The following IL17RA variants were observed in gnomAD, a reference collection of about 807,000 sequenced individuals.
IL17RA encodes the protein interleukin 17 receptor A.
A neutral mutation model predicts 50.4 loss-of-function variants in IL17RA; 34 were observed. That is an observed-to-expected ratio of 0.67 (90% confidence interval 0.51 to 0.90). The LOEUF is 0.90. IL17RA is among the 40% of genes least tolerant of loss of function. IL17RA has a pLI of 0.00. For missense variants in IL17RA, 1,276 were observed against 1,169.8 expected (o/e 1.09, Z -1.32); for synonymous variants, 585 against 510.4 (o/e 1.15, Z -1.97).
intron 1 of IL17RA, among the ~76,000 whole-genome samples, chr22:17,089,236 A>G (rs2061339452): frequency 6.6e-6 from 1 of 152,164 alleles, no homozygotes; most frequent in Admixed American, 6.5e-5. Context: ...TTTGTTATTT[A>G]GAGAGACAAG....
In IL17RA at chr22:17,097,777, T is replaced by G. The variant is rs774074447; in HGVS notation, c.164-20T>G. On this transcript the variant is annotated intron_variant, in intron 2 of 12. Coordinates refer to ENST00000319363, the MANE Select transcript of IL17RA (RefSeq NM_014339.7). ...GTCTCGGCTATAAGTCTCTGAATGT[T>G]GCTTTTCCCTGGCTGCCAGGTACCT... 7 of 1,613,932 alleles carry G rather than the reference T, an allele frequency of 4.3e-6. No homozygotes were observed. The highest frequency in any genetic ancestry group is 5.9e-6 in the Non-Finnish European group (7 of 1,180,048).
chr22:17,100,608 C>A, intron 5 of IL17RA, 127 bp downstream of exon 5: 1 of 1,207,964 alleles, frequency 8.3e-7, no homozygotes, highest in Non-Finnish European at 1.2e-6. Context: ...CTGGGACCCA[C>A]AGAACAAACA....
At chr22:17,097,620 C>T in intron 2 of IL17RA, 177 bp from the exon 3 acceptor site, 1 of 660,626 alleles carries the variant, frequency 1.5e-6, no homozygotes, top group Non-Finnish European at 2.6e-6. Context: ...GCAGTGACCC[C>T]AGTAAACATT....
At chr22:17,091,218 C>T (rs2061346632) in intron 1 of IL17RA, among the ~76,000 whole-genome samples, 1 of 152,188 alleles carries the variant, frequency 6.6e-6, no homozygotes, top group Non-Finnish European at 1.5e-5. Flanking sequence ...ATATCAGGAA[C>T]ATATATGTTA....
rs1431514771 is a variant in IL17RA at position 17,109,824 on chromosome 22, C to T, written c.*4C>T. ...GTCAGAGGGGCCCAGTGCATGAGGG[C>T]GGCTCCCCAGGGACCGCCCAGATCC... On this transcript the variant is annotated 3_prime_UTR_variant, in exon 13 of 13. Coordinates refer to ENST00000319363, the MANE Select transcript of IL17RA (RefSeq NM_014339.7). 7 of 1,548,694 alleles carry T rather than the reference C, an allele frequency of 4.5e-6. No homozygotes were observed. Among genetic ancestry groups the T allele is most frequent in the East Asian group, 2.4e-5 (1 of 40,928 alleles).
chr22:17,092,392 G>T (rs1032769055), intron 1 of IL17RA, among the ~76,000 whole-genome samples: 1 of 152,152 alleles, frequency 6.6e-6, no homozygotes, highest in Non-Finnish European at 1.5e-5. Flanking sequence ...AGAATCTCAC[G>T]TTGAACCCGG....
At chr22:17,108,178 A>AG (rs2061421737) in intron 12 of IL17RA, 129 bp from the exon 13 acceptor site, 4 of 895,698 alleles carry the variant, frequency 4.5e-6, no homozygotes, top group Admixed American at 2.4e-5. Context: ...AACAGGCCTC[A>AG]GTTGGGTTTC....
Position 17,098,630 on chromosome 22 carries a change from T to G in IL17RA, c.311-145T>G, listed in dbSNP as rs1355187565. 5.6e-6 allele frequency: 4 copies of G among 716,974 alleles called. No individual in the cohort carries two copies. The East Asian group carries it at 1.1e-4, about 19-fold the overall frequency. 44.4% of individuals were successfully genotyped at this position (716,974 alleles called of 1,614,324 possible). On this transcript the variant is annotated intron_variant, in intron 3 of 12. Transcript: ENST00000319363. ...GGTAGGCTGAGGCCAGAGAGTGAACTGAAAGGAACAGGATGTGGAGAGTTG... is the reference window on the plus strand; with the variant it reads ...GGTAGGCTGAGGCCAGAGAGTGAACGGAAAGGAACAGGATGTGGAGAGTTG...
Position 17,110,926 on chromosome 22 carries a change from G to C in IL17RA, c.*1106G>C, listed in dbSNP as rs535925914. The stretch of plus-strand genomic sequence containing the variant: ...GGTCAGGGGGGATCCCCGAGGAGAT[G>C]CCTGAGCTGAAGGATTGTGGTTGGG... On this transcript the variant is annotated 3_prime_UTR_variant, in exon 13 of 13. Transcript: ENST00000319363. The C allele has an allele frequency of 1.3e-5, 2 of 152,558 alleles. No individual in the cohort carries two copies. Among genetic ancestry groups the C allele is most frequent in the African/African-American group, 4.8e-5 (2 of 41,578 alleles). The allele number at this position is 152,558 out of a possible 1,614,324, so 9.5% of individuals were successfully genotyped here. A position where few individuals can be genotyped will look rare whatever the true frequency, so the allele number is the denominator to read the frequency against.
rs35718705 is a variant in IL17RA, at chr22:17,100,141, T to TAAAAA, written c.424-198_424-194dup. On this transcript the variant is annotated intron_variant, in intron 4 of 12. Coordinates refer to ENST00000319363, the MANE Select transcript of IL17RA (RefSeq NM_014339.7). ...CTACTGATGAGGCCAGATCCAGGTT[T>TAAAAA]AAAAAAAAAAAAAAAAAAAACAGGC... Among the ~76,000 whole-genome samples the TAAAAA allele has an allele frequency of 8.1e-4, 98 of 121,538 alleles. 1 individual carries two copies. The highest frequency in any genetic ancestry group is 2.2e-3 in the African/African-American group (79 of 35,440). 79.7% of individuals were successfully genotyped at this position (121,538 alleles called of 152,430 possible).
chr22:17,105,777 G>C lies in IL17RA; in HGVS notation c.944-76G>C, dbSNP rs984986020. On this transcript the variant is annotated intron_variant, in intron 10 of 12. Transcript: ENST00000319363. ...GCCAGAGAGGACAGAGCCTGGGGCT[G>C]GGGAGCAGGGCTGGGGGCCTCAGGG... 70 of 1,440,606 alleles carry C rather than the reference G, an allele frequency of 4.9e-5. No homozygotes were observed. The Middle Eastern group carries it at 1.3e-3, about 28-fold the overall frequency. 89.2% of individuals were successfully genotyped at this position (1,440,606 alleles called of 1,614,324 possible).
At chr22:17,089,080 G>A (rs947665891) in intron 1 of IL17RA, among the ~76,000 whole-genome samples, 3 of 152,176 alleles carry the variant, frequency 2.0e-5, no homozygotes, top group African/African-American at 7.2e-5. Context: ...ACAAGCGTGA[G>A]CCAATGCGCC....
At position 17,085,101 on chromosome 22, in the gene IL17RA, G is replaced by T. The variant is rs1464593132; in HGVS notation, c.10G>T (p.Ala4Ser). Residue 4 changes from alanine (A) to serine (S), a missense_variant, in exon 1 of 13, where the codon GCA (alanine) becomes TCA (serine). Coordinates refer to ENST00000319363, the MANE Select transcript of IL17RA (RefSeq NM_014339.7). ...CGACGCCAGCCGGGCCATGGGGGCCGCACGCAGCCCGCCGTCCGCTGTCCC... is the reference window on the plus strand; with the variant it reads ...CGACGCCAGCCGGGCCATGGGGGCCTCACGCAGCCCGCCGTCCGCTGTCCC... MGAARSPPSAVPGP... is the reference protein window; with the variant it reads MGASRSPPSAVPGP... 2.2e-6 allele frequency: 3 copies of T among 1,357,140 alleles called. No homozygotes were observed. Among genetic ancestry groups the T allele is most frequent in the African/African-American group, 1.5e-5 (1 of 65,840 alleles). 84.1% of individuals were successfully genotyped at this position (1,357,140 alleles called of 1,614,324 possible).
chr22:17,109,771 A>T lies in IL17RA; in HGVS notation c.2552A>T (p.Asn851Ile), dbSNP rs2061432905. 2 of 1,552,724 alleles carry T rather than the reference A, an allele frequency of 1.3e-6. No homozygotes were observed. Among genetic ancestry groups the T allele is most frequent in the East Asian group, 4.8e-5 (2 of 41,294 alleles). The change falls in exon 13 of 13, where the codon AAC becomes ATC. Residue 851 changes from asparagine to isoleucine, a missense_variant. Asn to Ile is a moderately radical substitution (Grantham distance 149). Transcript: ENST00000319363. ...CTGCTTTTCCGCCAGCTGCAGAAGA[A>T]CTCGGGCTGGGACACGATGGGGTCA... Reference protein sequence around the residue: ...RQLLFRQLQKNSGWDTMGSES... With the variant: ...RQLLFRQLQKISGWDTMGSES...
chr22:17,095,479 G>A (rs1257006821), intron 1 of IL17RA, among the ~76,000 whole-genome samples: 1 of 152,174 alleles, frequency 6.6e-6, no homozygotes, highest in Non-Finnish European at 1.5e-5. Flanking sequence ...TTTTCATCAT[G>A]GGCATCATCC....
intron 1 of IL17RA, among the ~76,000 whole-genome samples, 193 bp from the exon 2 acceptor site, chr22:17,096,869 C>CAAAAAAA (rs5844287): frequency 8.6e-6 from 1 of 116,102 alleles, no homozygotes. Flanking sequence ...GACTCCATCT[C>CAAAAAAA]AAAAAAAAAA....
In IL17RA at chr22:17,108,320, G is replaced by A. The variant is rs1376815240; in HGVS notation, c.1101G>A (p.Ala367=). The A allele has an allele frequency of 6.8e-6, 11 of 1,614,052 alleles. No homozygotes were observed. The highest frequency in any genetic ancestry group is 9.3e-6 in the Non-Finnish European group (11 of 1,179,998). ...DDTKYTDGLP[A]ADLIPPPLKP... ...TTGTTTCCTTAGATGGCCTGCCTGCGGCTGACCTGATCCCCCCACCGCTGA... is the reference window on the plus strand; with the variant it reads ...TTGTTTCCTTAGATGGCCTGCCTGCAGCTGACCTGATCCCCCCACCGCTGA... The change falls in exon 13 of 13, where the codon GCG becomes GCA. Residue 367 remains alanine, a synonymous_variant. Coordinates refer to ENST00000319363, the MANE Select transcript of IL17RA (RefSeq NM_014339.7).
chr22:17,098,087 AG>A, intron 3 of IL17RA, 144 bp downstream of exon 3: 2 of 909,956 alleles, frequency 2.2e-6, no homozygotes, highest in Non-Finnish European at 3.5e-6. Context: ...CATTTCATGC[AG>A]TCAAATACTT....
At chr22:17,095,557 T>C (rs897051926) in intron 1 of IL17RA, among the ~76,000 whole-genome samples, 4 of 152,194 alleles carry the variant, frequency 2.6e-5, no homozygotes, top group Non-Finnish European at 4.4e-5. Flanking sequence ...CTGTTTGCCT[T>C]CTCTAGAAGA....
Sources: allele counts gnomAD v4.1 joint callset (sites outside exome capture counted in the v4.1 genomes callset), GRCh38; gene constraint gnomAD v4.1.1; transcripts MANE v1.5; gene names NCBI Gene and HGNC (gene_info 2026-07-23, HGNC 2026-07-21).